The following FIGNL2 variants were observed in gnomAD, a reference collection of about 807,000 sequenced individuals.
FIGNL2 encodes fidgetin-like protein 2.
For synonymous variants in FIGNL2, 565 were observed against 484.0 expected, an observed-to-expected ratio of 1.17 and a Z score of -2.20; for missense variants, 1,060 against 950.2, an observed-to-expected ratio of 1.12 and a Z score of -1.52.
chr12:51,821,592 G>C lies in FIGNL2; in HGVS notation c.822C>G (p.Pro274=). Residue 274 remains proline (P), a synonymous_variant, in exon 2 of 2, where the codon CCC becomes CCG. Coordinates refer to ENST00000618634, the MANE Select transcript of FIGNL2 (RefSeq NM_001384995.1). ...ACGCGTACTTGCGGTAGCGGCCCTCGGGCCCCTCGTCGGCGGCCTTGCGCT... is the reference window on the plus strand; with the variant it reads ...ACGCGTACTTGCGGTAGCGGCCCTCCGGCCCCTCGTCGGCGGCCTTGCGCT... The part of the protein sequence containing the change: ...SLKRKAADEG[P]EGRYRKYAYE... The C allele has an allele frequency of 2.6e-6, 4 of 1,511,058 alleles. No individual in the cohort carries two copies. The highest frequency in any genetic ancestry group is 3.5e-6 in the Non-Finnish European group (4 of 1,136,028). 93.6% of individuals were successfully genotyped at this position (1,511,058 alleles called of 1,614,324 possible).
intron 1 of FIGNL2, among the ~76,000 whole-genome samples, chr12:51,836,485 C>T (rs868729142): frequency 6.6e-6 from 1 of 152,138 alleles, no homozygotes; most frequent in Non-Finnish European, 1.5e-5. Flanking sequence ...GCTGTGTCCC[C>T]CGAGGCCTGG....
intron 1 of FIGNL2, among the ~76,000 whole-genome samples, chr12:51,825,210 A>G (rs898078643): frequency 6.6e-6 from 1 of 152,168 alleles, no homozygotes; most frequent in Non-Finnish European, 1.5e-5. Context: ...AACATATTAA[A>G]CTGGACAAGC....
At chr12:51,841,713 G>C (rs1349457307) in intron 1 of FIGNL2, 2 of 152,264 alleles carry the variant, frequency 1.3e-5, no homozygotes, top group East Asian at 3.8e-4. Context: ...TAGGACACAG[G>C]ACTCTGGTTA....
chr12:51,826,836 C>T (rs1939355881), intron 1 of FIGNL2, among the ~76,000 whole-genome samples: 4 of 152,194 alleles, frequency 2.6e-5, no homozygotes. Context: ...GATTGCCTTA[C>T]CTGCACACAG....
chr12:51,834,491 T>C (rs1382854462), intron 1 of FIGNL2, among the ~76,000 whole-genome samples: 1 of 152,080 alleles, frequency 6.6e-6, no homozygotes, highest in East Asian at 1.9e-4. Context: ...GGTAAAGAGA[T>C]CAGGGCCCTC....
In FIGNL2 at chr12:51,821,626, A is replaced by C; in HGVS notation, c.788T>G (p.Leu263Arg). ...PTAAPGAESG[L>R]SLKRKAADEG... The stretch of plus-strand genomic sequence containing the variant: ...GTCGGCGGCCTTGCGCTTCAGCGAC[A>C]GCCCGGATTCGGCACCCGGCGCGGC... The change falls in exon 2 of 2, where the codon CTG (leucine) becomes CGG (arginine). Residue 263 changes from leucine to arginine, a missense_variant. Coordinates refer to ENST00000618634, the MANE Select transcript of FIGNL2 (RefSeq NM_001384995.1). 6.7e-7 allele frequency: 1 copy of C among 1,489,812 alleles called. No homozygotes were observed. The highest frequency in any genetic ancestry group is 8.9e-7 in the Non-Finnish European group (1 of 1,125,762). 92.3% of individuals were successfully genotyped at this position (1,489,812 alleles called of 1,614,324 possible).
chr12:51,834,700 G>A (rs1029021623), intron 1 of FIGNL2, among the ~76,000 whole-genome samples: 2 of 152,210 alleles, frequency 1.3e-5, no homozygotes, highest in African/African-American at 4.8e-5. Context: ...TGACGGGAGG[G>A]GACAGCACAG....
intron 1 of FIGNL2, among the ~76,000 whole-genome samples, chr12:51,844,171 T>C (rs1403825434): frequency 6.6e-6 from 1 of 152,088 alleles, no homozygotes; most frequent in Non-Finnish European, 1.5e-5. Flanking sequence ...ACAGATGAAG[T>C]CACTTGTCCG....
chr12:51,822,753 TTAC>T (rs1365492528), intron 1 of FIGNL2, among the ~76,000 whole-genome samples: 44 of 152,248 alleles, frequency 2.9e-4, no homozygotes, highest in Admixed American at 2.7e-3. Flanking sequence ...CACGTGATCC[TTAC>T]TTTCTATGAA....
At chr12:51,841,775 G>A (rs1939665517) in intron 1 of FIGNL2, 1 of 152,324 alleles carries the variant, frequency 6.6e-6, no homozygotes, top group Admixed American at 6.5e-5. Context: ...GCAAGGCTGA[G>A]ACTGTGCCAG....
intron 1 of FIGNL2, chr12:51,844,586 A>G (rs540152802): frequency 6.7e-6 from 4 of 599,346 alleles, no homozygotes; most frequent in Non-Finnish European, 8.4e-6. Flanking sequence ...GGAGGTGGAC[A>G]CCATTCTTCA....
rs1939135800 is a variant in FIGNL2, at chr12:51,820,130, C to T, written c.*322G>A. 1 of 358,112 alleles carries T rather than the reference C, an allele frequency of 2.8e-6. No individual in the cohort carries two copies. Among genetic ancestry groups the T allele is most frequent in the Middle Eastern group, 8.3e-4 (1 of 1,204 alleles). 22.2% of individuals were successfully genotyped at this position (358,112 alleles called of 1,614,324 possible). The stretch of plus-strand genomic sequence containing the variant: ...CATTCAGATAGCGAGGAGACAAAAG[C>T]GTTGTGGCAAGAGAGCAGGAGTTCT... On this transcript the variant is annotated 3_prime_UTR_variant, in exon 2 of 2. Coordinates refer to ENST00000618634, the MANE Select transcript of FIGNL2 (RefSeq NM_001384995.1).
intron 1 of FIGNL2, among the ~76,000 whole-genome samples, chr12:51,842,475 G>A (rs1422326394): frequency 6.6e-6 from 1 of 152,196 alleles, no homozygotes; most frequent in Non-Finnish European, 1.5e-5. Context: ...GGCTGGGGAA[G>A]AGGGATCCTT....
intron 1 of FIGNL2, among the ~76,000 whole-genome samples, chr12:51,843,628 C>T (rs1267489506): frequency 6.6e-6 from 1 of 151,978 alleles, no homozygotes; most frequent in African/African-American, 2.4e-5. Context: ...GGGCTGGGGA[C>T]CATGTGGCCT....
In FIGNL2 at chr12:51,821,118, C is replaced by T; in HGVS notation, c.1296G>A (p.Gly432=). 7.1e-7 allele frequency: 1 copy of T among 1,402,090 alleles called. No homozygotes were observed. Among genetic ancestry groups the T allele is most frequent in the East Asian group, 3.1e-5 (1 of 32,656 alleles). The allele number at this position is 1,402,090 out of a possible 1,614,324, so 86.9% of individuals were successfully genotyped here. ...GCAGCGCTTTGCCCGCGCCCCGCGG[C>T]CCAAAGAGCAGGACGGTCCGCGGCG... ...LRPPRTVLLF[G]PRGAGKALLG... is the part of the protein sequence containing the mutation. The change falls in exon 2 of 2, where the codon GGG becomes GGA. Residue 432 remains glycine (G), a synonymous_variant. Transcript: ENST00000618634.
Position 51,821,031 on chromosome 12 carries a change from C to G in FIGNL2, c.1383G>C (p.Leu461=), listed in dbSNP as rs1246348411. The change falls in exon 2 of 2, where the codon CTG becomes CTC. Residue 461 remains leucine (L), a synonymous_variant. Coordinates refer to ENST00000618634, the MANE Select transcript of FIGNL2 (RefSeq NM_001384995.1). ...CGCCCTCGGCGGCGCCGGGCGCAGC[C>G]AGGGTCGCGCCGCGCAGGCGCAACA... is the stretch of plus-strand genomic sequence containing the variant. ...ATLLRLRGAT[L]AAPGAAEGAR... is the part of the protein sequence containing the mutation. 3 of 1,181,656 alleles carry G rather than the reference C, an allele frequency of 2.5e-6. No individual in the cohort carries two copies. Among genetic ancestry groups the G allele is most frequent in the Non-Finnish European group, 3.1e-6 (3 of 957,764 alleles). 73.2% of individuals were successfully genotyped at this position (1,181,656 alleles called of 1,614,324 possible).
In FIGNL2 at chr12:51,824,905, G is replaced by A. The variant is rs945680356; in HGVS notation, c.-11-2481C>T. On this transcript the variant is annotated intron_variant, in intron 1 of 1. Coordinates refer to ENST00000618634, the MANE Select transcript of FIGNL2 (RefSeq NM_001384995.1). ...CTAAAAATACAAAAATTAGCCGGGC[G>A]TAGTGGCGGGTGCCTGTCATCCCAG... Among the ~76,000 whole-genome samples, 4 of 151,892 alleles carry A rather than the reference G, an allele frequency of 2.6e-5. No homozygotes were observed. In the South Asian group the frequency reaches 8.3e-4, roughly 32 times the overall value.
In FIGNL2 at chr12:51,821,190, C is replaced by A; in HGVS notation, c.1224G>T (p.Leu408=). The A allele has an allele frequency of 6.6e-7, 1 of 1,518,116 alleles. No individual in the cohort carries two copies. Among genetic ancestry groups the A allele is most frequent in the Non-Finnish European group, 8.8e-7 (1 of 1,139,840 alleles). The allele number at this position is 1,518,116 out of a possible 1,614,324, so 94.0% of individuals were successfully genotyped here. ...GALKAALEEE[L]VWPLLRPPAY... is the part of the protein sequence containing the mutation. ...CGGGCGGCCTGAGCAGGGGCCACAC[C>A]AGCTCCTCCTCCAGCGCCGCCTTGA... Residue 408 remains leucine, a synonymous_variant, in exon 2 of 2, where the codon CTG becomes CTT. Coordinates refer to ENST00000618634, the MANE Select transcript of FIGNL2 (RefSeq NM_001384995.1).
chr12:51,821,558 C>A lies in FIGNL2; in HGVS notation c.856G>T (p.Ala286Ser), dbSNP rs769623174. The A allele has an allele frequency of 1.9e-6, 3 of 1,544,552 alleles. No individual in the cohort carries two copies. The highest frequency in any genetic ancestry group is 2.6e-6 in the Non-Finnish European group (3 of 1,153,878). ...GRYRKYAYEP[A>S]KAPVADGASY... ...GCTCCGTCAGCCACGGGGGCCTTGG[C>A]GGGCTCGTACGCGTACTTGCGGTAG... Residue 286 changes from alanine to serine, a missense_variant, in exon 2 of 2, where the codon GCC becomes TCC. Coordinates refer to ENST00000618634, the MANE Select transcript of FIGNL2 (RefSeq NM_001384995.1).
Sources: allele counts gnomAD v4.1 joint callset (sites outside exome capture counted in the v4.1 genomes callset), GRCh38; gene constraint gnomAD v4.1.1; transcripts MANE v1.5; gene names NCBI Gene and HGNC (gene_info 2026-07-23, HGNC 2026-07-21).